Variants in TMEM117 observed in about 807,000 individuals in gnomAD.
TMEM117 encodes the protein transmembrane protein 117.
In TMEM117, 27 loss-of-function variants were observed where a neutral mutation model predicts 52.4. The observed-to-expected ratio is 0.51, with a 90% CI of 0.38 to 0.71. The LOEUF (loss-of-function observed/expected upper bound fraction) is 0.71, where lower values mean the gene tolerates loss of function less well. TMEM117 is among the 30% of genes least tolerant of loss of function. The pLI is 0.00. For missense variants in TMEM117, 556 were observed against 630.5 expected, an observed-to-expected ratio of 0.88 and a Z score of 1.26; for synonymous variants, 215 against 206.3, an observed-to-expected ratio of 1.04 and a Z score of -0.36.
intron 3 of TMEM117, among the ~76,000 whole-genome samples, chr12:43,993,820 C>A (rs536827874): frequency 6.6e-6 from 1 of 152,174 alleles, no homozygotes; most frequent in Admixed American, 6.5e-5. Flanking sequence ...TCAGCCTGTT[C>A]AGTAGATGGG....
At chr12:44,294,305 A>C (rs980093285) in intron 5 of TMEM117, among the ~76,000 whole-genome samples, 1 of 152,196 alleles carries the variant, frequency 6.6e-6, no homozygotes, top group Non-Finnish European at 1.5e-5. Flanking sequence ...AAATTCTAAG[A>C]TTCCCAGTGG....
In TMEM117 at chr12:43,844,668, G is replaced by A; in HGVS notation, c.17G>A (p.Arg6His). 3.1e-6 allele frequency: 5 copies of A among 1,613,568 alleles called. 1 individual carries two copies. Among genetic ancestry groups the A allele is most frequent in the South Asian group, 2.2e-5 (2 of 90,958 alleles). Residue 6 changes from arginine (R) to histidine (H), a missense_variant, in exon 2 of 8, where the codon CGT becomes CAT. Arg to His is a conservative substitution (Grantham distance 29). Around this residue, in one of 3 missense-constraint regions of TMEM117, gnomAD observed 328 missense variants for 371.4 expected, o/e 0.88. Transcript: ENST00000266534. MGKDF[R>H]YYFQHPWSRM... is the part of the protein sequence containing the mutation. ...TTCTGAAGAATGGGTAAAGACTTTC[G>A]TTACTATTTCCAGCATCCCTGGTCT... is the stretch of plus-strand genomic sequence containing the variant.
chr12:44,148,648 A>C (rs1025732806), intron 4 of TMEM117, among the ~76,000 whole-genome samples: 1 of 152,116 alleles, frequency 6.6e-6, no homozygotes, highest in African/African-American at 2.4e-5. Flanking sequence ...GCTTCAAAAG[A>C]CTGTTCATAC....
Position 43,863,991 on chromosome 12 carries a change from A to AG in TMEM117, c.277+19064dup, listed in dbSNP as rs759719068. On this transcript the variant is annotated intron_variant, in intron 2 of 7. Transcript: ENST00000266534. ...ATGGGCTTGGCGGCCCCACACTCGG[A>AG]GCTGCCGGCCAGCCAGCCCTGGACA... Among the ~76,000 whole-genome samples, 64 of 152,254 alleles carry AG rather than the reference A, an allele frequency of 4.2e-4. No homozygotes were observed. In the Middle Eastern group the frequency reaches 0.017, roughly 40 times the overall value.
At chr12:43,927,368 G>A (rs1030772690) in intron 2 of TMEM117, among the ~76,000 whole-genome samples, 13 of 151,558 alleles carry the variant, frequency 8.6e-5, no homozygotes, top group African/African-American at 2.7e-4. Context: ...TTGCATGCAG[G>A]GTTCAATATG....
intron 2 of TMEM117, among the ~76,000 whole-genome samples, chr12:43,927,350 T>C (rs1944796008): frequency 1.3e-5 from 2 of 152,022 alleles, no homozygotes; most frequent in South Asian, 4.1e-4. Context: ...ATATGTGTTC[T>C]CTAATTGTTG....
At chr12:44,275,197 G>A (rs973736911) in intron 5 of TMEM117, among the ~76,000 whole-genome samples, 1 of 152,086 alleles carries the variant, frequency 6.6e-6, no homozygotes, top group Non-Finnish European at 1.5e-5. Context: ...AGATGAAAAG[G>A]TGCTAAACAT....
At chr12:44,177,211 G>A (rs1450498546) in intron 4 of TMEM117, among the ~76,000 whole-genome samples, 1 of 152,034 alleles carries the variant, frequency 6.6e-6, no homozygotes, top group Non-Finnish European at 1.5e-5. Context: ...AACATTTTTG[G>A]ACTAAATGGT....
At chr12:43,938,114 G>T (rs1171831106) in intron 2 of TMEM117, among the ~76,000 whole-genome samples, 1 of 151,866 alleles carries the variant, frequency 6.6e-6, no homozygotes, top group Non-Finnish European at 1.5e-5. Flanking sequence ...CAGGGGGAGG[G>T]TGTGCAGGCT....
At chr12:44,379,125 A>G (rs1951983188) in intron 7 of TMEM117, among the ~76,000 whole-genome samples, 1 of 151,906 alleles carries the variant, frequency 6.6e-6, no homozygotes, top group Non-Finnish European at 1.5e-5. Flanking sequence ...CTAAAAAAAA[A>G]TAGAAAGAAA....
the TMEM117 span, among the ~76,000 whole-genome samples, chr12:43,819,501 G>T: frequency 2.6e-5 from 4 of 152,256 alleles, no homozygotes; most frequent in African/African-American, 9.6e-5. Context: ...GCGGCTGGGC[G>T]GGATGGCTCA....
At chr12:44,173,963 T>A (rs1565860166) in intron 4 of TMEM117, among the ~76,000 whole-genome samples, 2 of 152,168 alleles carry the variant, frequency 1.3e-5, no homozygotes, top group Non-Finnish European at 2.9e-5. Flanking sequence ...TCTAAGAAAG[T>A]TCAGAAAAGC....
At chr12:44,395,153 A>G in the TMEM117 span, among the ~76,000 whole-genome samples, 1 of 152,226 alleles carries the variant, frequency 6.6e-6, no homozygotes, top group Non-Finnish European at 1.5e-5. Context: ...TTCAAGCTTG[A>G]TAACCATGAA....
At chr12:43,924,037 GC>G (rs1944738074) in intron 2 of TMEM117, among the ~76,000 whole-genome samples, 3 of 152,154 alleles carry the variant, frequency 2.0e-5, no homozygotes, top group Admixed American at 2.0e-4. Context: ...CTATATAAAT[GC>G]CTGTTAAATA....
At chr12:43,966,257 A>G (rs1459404608) in intron 3 of TMEM117, among the ~76,000 whole-genome samples, 11 of 152,234 alleles carry the variant, frequency 7.2e-5, no homozygotes, top group Admixed American at 7.2e-4. Context: ...CACTAGAAAA[A>G]GAAGGGGATA....
intron 6 of TMEM117, among the ~76,000 whole-genome samples, chr12:44,355,111 C>G (rs945051930): frequency 6.6e-6 from 1 of 151,978 alleles, no homozygotes; most frequent in Non-Finnish European, 1.5e-5. Flanking sequence ...GGTAGCTAAA[C>G]TTTCATGCAT....
chr12:44,319,011 C>T (rs865980845), intron 6 of TMEM117, among the ~76,000 whole-genome samples: 1 of 152,168 alleles, frequency 6.6e-6, no homozygotes, highest in South Asian at 2.1e-4. Context: ...GAGAAACTGT[C>T]GCTGTAGCAG....
intron 6 of TMEM117, among the ~76,000 whole-genome samples, chr12:44,311,775 A>T (rs1363415420): frequency 8.3e-6 from 1 of 120,176 alleles, no homozygotes; most frequent in Non-Finnish European, 1.6e-5. Context: ...ATATGTATAT[A>T]TGTGTATATA....
chr12:43,892,269 T>G (rs546694671), intron 2 of TMEM117, among the ~76,000 whole-genome samples: 1 of 152,314 alleles, frequency 6.6e-6, no homozygotes, highest in South Asian at 2.1e-4. Flanking sequence ...CAAGACACAC[T>G]TAATTCCCTC....
Sources: gnomAD v4.1 joint callset for allele counts (sites outside exome capture counted in the v4.1 genomes callset) on GRCh38, gnomAD v4.1.1 for gene constraint, gnomAD v4.1.1 regional missense constraint, MANE v1.5 for transcripts, NCBI Gene and HGNC (gene_info 2026-07-23, HGNC 2026-07-21) for gene names.